Variants in UBASH3B observed in about 807,000 individuals in gnomAD.
UBASH3B encodes ubiquitin-associated and SH3 domain-containing protein B.
In UBASH3B, 37 loss-of-function variants were observed where a neutral mutation model predicts 83.4. The ratio of observed to expected loss-of-function variants is 0.44; its 90% CI spans 0.34 to 0.58. UBASH3B has a LOEUF of 0.58. Ranked by LOEUF, UBASH3B falls within the 20% of genes least tolerant of loss-of-function variation. UBASH3B has a pLI of 0.01. For synonymous variants in UBASH3B, 304 were observed against 318.3 expected (o/e 0.96, Z 0.48); for missense variants, 657 against 827.2 (o/e 0.79, Z 2.52).
intron 1 of UBASH3B, among the ~76,000 whole-genome samples, chr11:122,711,284 G>A (rs1022389457): frequency 9.2e-5 from 14 of 152,174 alleles, no homozygotes; most frequent in African/African-American, 1.4e-4. Flanking sequence ...CTTGGAATTC[G>A]TAATCATTTT....
chr11:122,718,343 G>A (rs576012708), intron 1 of UBASH3B, among the ~76,000 whole-genome samples: 12 of 152,322 alleles, frequency 7.9e-5, no homozygotes, highest in South Asian at 4.1e-4. Flanking sequence ...GAGCCCTGGC[G>A]CCTCAGATTC....
intron 1 of UBASH3B, among the ~76,000 whole-genome samples, chr11:122,660,362 A>G (rs780807434): frequency 1.1e-4 from 17 of 152,162 alleles, no homozygotes; most frequent in Non-Finnish European, 2.1e-4. Context: ...AAAATGGCCA[A>G]TCGCTTCCTT....
intron 1 of UBASH3B, among the ~76,000 whole-genome samples, chr11:122,767,381 G>T (rs1482570027): frequency 6.6e-6 from 1 of 152,030 alleles, no homozygotes; most frequent in Admixed American, 6.5e-5. Flanking sequence ...CACGATTTCG[G>T]CTCACTGCAA....
rs1863358388 is a variant in UBASH3B at position 122,656,138 on chromosome 11, A to G, written c.89A>G (p.Gln30Arg). The change falls in exon 1 of 14, where the codon CAG (glutamine) becomes CGG (arginine). Residue 30 changes from glutamine (Q) to arginine (R), a missense_variant. Physicochemically the swap from Gln to Arg is conservative, Grantham distance 43 (BLOSUM62 1). This residue lies in a region of UBASH3B where 78 missense variants were observed against 68.4 expected (regional missense o/e 1.14). Transcript: ENST00000284273. ...SKVTPRRNRQQRPGTIKHGSA... is the reference protein window; with the variant it reads ...SKVTPRRNRQRRPGTIKHGSA... ...GTCACCCCCCGGAGGAACCGCCAACAGCGCCCCGGCACCATCAAGCATGGA... is the reference window on the plus strand; with the variant it reads ...GTCACCCCCCGGAGGAACCGCCAACGGCGCCCCGGCACCATCAAGCATGGA... 3 of 1,591,482 alleles carry G rather than the reference A, an allele frequency of 1.9e-6. No individual in the cohort carries two copies. Among genetic ancestry groups the G allele is most frequent in the South Asian group, 2.3e-5 (2 of 87,672 alleles).
At chr11:122,678,606 G>C (rs866873320) in intron 1 of UBASH3B, among the ~76,000 whole-genome samples, 1 of 152,134 alleles carries the variant, frequency 6.6e-6, no homozygotes. Context: ...ATCATCCCAG[G>C]ACCCACTGCC....
chr11:122,798,481 G>A (rs911301208), intron 9 of UBASH3B, among the ~76,000 whole-genome samples: 2 of 152,086 alleles, frequency 1.3e-5, no homozygotes, highest in Admixed American at 6.5e-5. Context: ...GGGAGGCTGA[G>A]GTAGGCGGAT....
At chr11:122,708,313 T>TG (rs1864150894) in intron 1 of UBASH3B, among the ~76,000 whole-genome samples, 1 of 135,918 alleles carries the variant, frequency 7.4e-6, no homozygotes, top group South Asian at 2.3e-4. Flanking sequence ...TTTTTTGAGA[T>TG]GGAGTTTCAC....
intron 1 of UBASH3B, among the ~76,000 whole-genome samples, chr11:122,725,342 A>AAAAAAAAAAAAAGAGAG (rs71281633): frequency 1.5e-4 from 19 of 130,774 alleles, no homozygotes; most frequent in Non-Finnish European, 2.6e-4. Flanking sequence ...AAAAAAAAAA[A>AAAAAAAAAAAAAGAGAG]AAGAAAAGAA....
chr11:122,763,305 C>A (rs1260918052), intron 1 of UBASH3B, among the ~76,000 whole-genome samples: 1 of 152,152 alleles, frequency 6.6e-6, no homozygotes, highest in Non-Finnish European at 1.5e-5. Context: ...GTTCCAGCCC[C>A]TTTTTAGCGA....
intron 1 of UBASH3B, among the ~76,000 whole-genome samples, chr11:122,703,406 A>G (rs1256656791): frequency 6.6e-6 from 1 of 151,876 alleles, no homozygotes; most frequent in Non-Finnish European, 1.5e-5. Flanking sequence ...CAGCCTGGGC[A>G]ACAGAGCAGG....
chr11:122,736,080 G>A (rs552298142), intron 1 of UBASH3B, among the ~76,000 whole-genome samples: 52 of 152,176 alleles, frequency 3.4e-4, no homozygotes, highest in Non-Finnish European at 6.5e-4. Flanking sequence ...CCAAGACAGT[G>A]GAGGTTCAGA....
intron 1 of UBASH3B, among the ~76,000 whole-genome samples, chr11:122,768,508 GTATATA>G (rs3031285): frequency 7.4e-6 from 1 of 134,400 alleles, no homozygotes; most frequent in African/African-American, 2.8e-5. Context: ...GTGTGTGTGT[GTATATA>G]TATATATTTG....
In UBASH3B at chr11:122,734,324, G is replaced by T. The variant is rs12288472; in HGVS notation, c.162-41895G>T. Among the ~76,000 whole-genome samples, 1,119 of 152,364 alleles carry T rather than the reference G, an allele frequency of 7.3e-3. 16 individuals carry two copies. The highest frequency in any genetic ancestry group is 0.026 in the African/African-American group (1,083 of 41,578). ...AGTGAAGAGGAAGACATTGAAAAGAGCTTGACATGGCTGAGCCTGAGGAAA... is the reference window on the plus strand; with the variant it reads ...AGTGAAGAGGAAGACATTGAAAAGATCTTGACATGGCTGAGCCTGAGGAAA... On this transcript the variant is annotated intron_variant, in intron 1 of 13. Coordinates refer to ENST00000284273, the MANE Select transcript of UBASH3B (RefSeq NM_032873.5).
chr11:122,704,839 T>G (rs924143130), intron 1 of UBASH3B, among the ~76,000 whole-genome samples: 1 of 151,948 alleles, frequency 6.6e-6, no homozygotes, highest in African/African-American at 2.4e-5. Context: ...AAAACTTTAT[T>G]ATGAGGTTTC....
At chr11:122,809,230 A>T (rs1357845121) in intron 13 of UBASH3B, among the ~76,000 whole-genome samples, 2 of 152,026 alleles carry the variant, frequency 1.3e-5, no homozygotes, top group South Asian at 2.1e-4. Flanking sequence ...ACATGCCACC[A>T]CGCCCAGCTA....
At chr11:122,737,571 T>C (rs905655051) in intron 1 of UBASH3B, among the ~76,000 whole-genome samples, 12 of 150,848 alleles carry the variant, frequency 8.0e-5, no homozygotes, top group Admixed American at 6.7e-4. Flanking sequence ...CTACATAAAC[T>C]CCTGAATTCT....
intron 1 of UBASH3B, among the ~76,000 whole-genome samples, chr11:122,696,309 T>A (rs919467401): frequency 1.3e-5 from 2 of 150,010 alleles, no homozygotes; most frequent in Non-Finnish European, 2.9e-5. Context: ...AATGAGGATT[T>A]CTTCAGGGCC....
intron 1 of UBASH3B, among the ~76,000 whole-genome samples, chr11:122,726,845 T>C (rs1170462173): frequency 2.6e-5 from 4 of 152,230 alleles, no homozygotes; most frequent in Admixed American, 6.5e-5. Context: ...GTTATGTAAA[T>C]GAGGGACAAT....
At chr11:122,695,192 G>A (rs911150841) in intron 1 of UBASH3B, among the ~76,000 whole-genome samples, 4 of 151,952 alleles carry the variant, frequency 2.6e-5, no homozygotes, top group Admixed American at 6.6e-5. Context: ...TTGAACTCCC[G>A]ACCTCAAGTG....
Sources: allele counts gnomAD v4.1 joint callset (sites outside exome capture counted in the v4.1 genomes callset), GRCh38; gene constraint gnomAD v4.1.1; regional missense constraint gnomAD v4.1.1; transcripts MANE v1.5; gene names NCBI Gene and HGNC (gene_info 2026-07-23, HGNC 2026-07-21).